The following LEPR variants were observed in gnomAD, a reference collection of about 807,000 sequenced individuals.
The protein encoded by LEPR is OB receptor.
LEPR carries 56 observed loss-of-function variants against 114.7 expected under a neutral mutation model. The ratio of observed to expected loss-of-function variants is 0.49; its 90% CI spans 0.39 to 0.61. LEPR has a LOEUF of 0.61. Among genes scored for constraint, LEPR ranks in the 20% least tolerant of loss-of-function variants. The pLI, the probability that LEPR is intolerant of heterozygous loss-of-function variation, is 0.00. For synonymous variants in LEPR, 443 were observed against 461.4 expected (o/e 0.96, Z 0.51); for missense variants, 1,202 against 1,352.9 (o/e 0.89, Z 1.75).
At chr1:65,627,503 C>T (rs969130990) in intron 19 of LEPR, among the ~76,000 whole-genome samples, 5 of 152,122 alleles carry the variant, frequency 3.3e-5, no homozygotes, top group Non-Finnish European at 7.4e-5. Flanking sequence ...TTATCATATA[C>T]TGACAGTGGG....
chr1:65,457,243 T>C (rs1646889147), intron 2 of LEPR, among the ~76,000 whole-genome samples: 1 of 152,232 alleles, frequency 6.6e-6, no homozygotes, highest in African/African-American at 2.4e-5. Context: ...TTTTGAAAAC[T>C]GTTACATCTT....
At chr1:65,463,021 T>C (rs566415643) in intron 2 of LEPR, among the ~76,000 whole-genome samples, 1 of 152,346 alleles carries the variant, frequency 6.6e-6, no homozygotes, top group East Asian at 1.9e-4. Flanking sequence ...TTGTCAATTT[T>C]GGCTTTTGTT....
At chr1:65,473,635 G>T (rs147607576) in intron 2 of LEPR, among the ~76,000 whole-genome samples, 1 of 152,254 alleles carries the variant, frequency 6.6e-6, no homozygotes, top group East Asian at 1.9e-4. Context: ...CAGATTCGGG[G>T]CATTTTATCT....
Position 65,639,572 on chromosome 1 carries a change from T to G in LEPR, c.*2557T>G, listed in dbSNP as rs1658807289. 6.6e-6 allele frequency: 1 copy of G among 152,204 alleles called. No homozygotes were observed. 9.4% of individuals were successfully genotyped at this position (152,204 alleles called of 1,614,324 possible). On this transcript the variant is annotated 3_prime_UTR_variant, in exon 20 of 20. Coordinates refer to ENST00000349533, the MANE Select transcript of LEPR (RefSeq NM_002303.6). Reference sequence around the variant, plus strand: ...TCAGAATGGTCAGGAACTTCCCATTTCTTCCCACAGCTTCTATAAAAAAAA... The same window carrying G: ...TCAGAATGGTCAGGAACTTCCCATTGCTTCCCACAGCTTCTATAAAAAAAA...
At chr1:65,439,828 CAAA>C (rs34603511) in intron 2 of LEPR, among the ~76,000 whole-genome samples, 5 of 56,576 alleles carry the variant, frequency 8.8e-5, no homozygotes, top group Non-Finnish European at 1.4e-4. Context: ...AACTCCATCT[CAAA>C]AAAAAAAAAA....
chr1:65,557,409 A>G lies in LEPR; in HGVS notation c.-20-8137A>G, dbSNP rs551473623. On this transcript the variant is annotated intron_variant, in intron 2 of 19. Transcript: ENST00000349533. ...TCATTCTTTTTTCACCAATTTAAAA[A>G]ATTTCTGTCACTTTTTCTGTCTTTT... Among the ~76,000 whole-genome samples, 8 of 152,174 alleles carry G rather than the reference A, an allele frequency of 5.3e-5. No homozygotes were observed. In the South Asian group the frequency reaches 1.7e-3, roughly 32 times the overall value.
intron 19 of LEPR, among the ~76,000 whole-genome samples, chr1:65,624,692 G>A (rs1464571627): frequency 6.6e-6 from 1 of 152,130 alleles, no homozygotes; most frequent in Non-Finnish European, 1.5e-5. Context: ...TATTTTATTT[G>A]TTAAAAATGC....
chr1:65,548,545 C>A (rs1457089952), intron 2 of LEPR, among the ~76,000 whole-genome samples: 5 of 152,028 alleles, frequency 3.3e-5, no homozygotes, highest in Non-Finnish European at 5.9e-5. Flanking sequence ...TTGAATTGAT[C>A]CCTTTACCAT....
chr1:65,427,889 C>T, intron 2 of LEPR: 1 of 230,248 alleles, frequency 4.3e-6, no homozygotes, highest in South Asian at 4.9e-5. Flanking sequence ...CATCCTCCTG[C>T]CTTGGCCTCC....
At chr1:65,632,817 T>C (rs1169132053) in intron 19 of LEPR, among the ~76,000 whole-genome samples, 2 of 152,236 alleles carry the variant, frequency 1.3e-5, no homozygotes, top group East Asian at 3.9e-4. Flanking sequence ...TTCCAAACTA[T>C]CCTATATTGC....
At chr1:65,538,307 G>C (rs1418073905) in intron 2 of LEPR, among the ~76,000 whole-genome samples, 2 of 151,662 alleles carry the variant, frequency 1.3e-5, no homozygotes, top group East Asian at 1.9e-4. Flanking sequence ...TATGTGTCAG[G>C]TTGCCTTCCA....
intron 19 of LEPR, among the ~76,000 whole-genome samples, chr1:65,631,912 A>G (rs1315347166): frequency 6.6e-6 from 1 of 151,934 alleles, no homozygotes; most frequent in Admixed American, 6.6e-5. Flanking sequence ...TTCATTTTCA[A>G]TTTGTTCCAC....
intron 11 of LEPR, among the ~76,000 whole-genome samples, chr1:65,606,381 A>G (rs1656811090): frequency 2.0e-5 from 3 of 152,180 alleles, no homozygotes; most frequent in Non-Finnish European, 2.9e-5. Flanking sequence ...TGAATAACCT[A>G]TGGTGTTATC....
At chr1:65,549,390 A>G in intron 2 of LEPR, among the ~76,000 whole-genome samples, 1 of 152,106 alleles carries the variant, frequency 6.6e-6, no homozygotes, top group Non-Finnish European at 1.5e-5. Context: ...CCTGGATAAT[A>G]TCCTGCAGAG....
rs192838509 is a variant in LEPR, at chr1:65,580,818, G to A, written c.494+8369G>A. Among the ~76,000 whole-genome samples, 57 of 152,286 alleles carry A rather than the reference G, an allele frequency of 3.7e-4. No homozygotes were observed. The East Asian group carries it at 0.01, about 28-fold the overall frequency. Reference sequence around the variant, plus strand: ...AGGGATATCCAGCCCAGGTGAAGAGGGGGCAGAGGAGAATGAGCCAGAGAG... The same window carrying A: ...AGGGATATCCAGCCCAGGTGAAGAGAGGGCAGAGGAGAATGAGCCAGAGAG... On this transcript the variant is annotated intron_variant, in intron 5 of 19. Coordinates refer to ENST00000349533, the MANE Select transcript of LEPR (RefSeq NM_002303.6).
chr1:65,587,856 T>A (rs1002407315), intron 5 of LEPR, among the ~76,000 whole-genome samples: 3 of 152,054 alleles, frequency 2.0e-5, no homozygotes, highest in African/African-American at 7.2e-5. Context: ...TCATGTTTTT[T>A]ATATCTGGAT....
At chr1:65,481,109 C>T (rs1647225172) in intron 2 of LEPR, among the ~76,000 whole-genome samples, 1 of 152,202 alleles carries the variant, frequency 6.6e-6, no homozygotes, top group Non-Finnish European at 1.5e-5. Flanking sequence ...TGCCTTCCTA[C>T]TGTATCCTCA....
chr1:65,536,973 G>T (rs933527183), intron 2 of LEPR, among the ~76,000 whole-genome samples: 7 of 152,064 alleles, frequency 4.6e-5, no homozygotes, highest in African/African-American at 1.7e-4. Flanking sequence ...GGTTAAAATT[G>T]TCCAGTTGGT....
rs5774756 is a variant in LEPR, at chr1:65,511,429, T to TAC, written c.-20-54076_-20-54075dup. ...GCTCTAGTGTTCATATATATATGTA[T>TAC]ACACACACACACACACACACACACA... On this transcript the variant is annotated intron_variant, in intron 2 of 19. Transcript: ENST00000349533. Among the ~76,000 whole-genome samples, 977 of 147,684 alleles carry TAC rather than the reference T, an allele frequency of 6.6e-3. 5 individuals carry two copies. The highest frequency in any genetic ancestry group is 9.7e-3 in the East Asian group (48 of 4,972).
Sources: allele counts gnomAD v4.1 joint callset (sites outside exome capture counted in the v4.1 genomes callset), GRCh38; gene constraint gnomAD v4.1.1; transcripts MANE v1.5; gene names NCBI Gene and HGNC (gene_info 2026-07-23, HGNC 2026-07-21).